TRIT1: variants seen among roughly 807,000 people sequenced by gnomAD.
TRIT1 encodes the protein tRNA dimethylallyltransferase.
Under a neutral mutation model 51.2 loss-of-function variants are expected in TRIT1, and 43 were observed. That is an observed-to-expected ratio of 0.84 (90% CI 0.66 to 1.08). The LOEUF (loss-of-function observed/expected upper bound fraction) is 1.08, where lower values mean the gene tolerates loss of function less well. Among genes scored for constraint, TRIT1 ranks in the 50% least tolerant of loss-of-function variants. The probability of loss-of-function intolerance (pLI) is 0.00; values close to 1 mark genes in which losing one functional copy is unlikely to be tolerated. For synonymous variants in TRIT1, 184 were observed against 203.9 expected, an observed-to-expected ratio of 0.90 and a Z score of 0.83; for missense variants, 528 against 578.4, an observed-to-expected ratio of 0.91 and a Z score of 0.89.
intron 1 of TRIT1, among the ~76,000 whole-genome samples, chr1:39,871,973 G>A (rs1643895495): frequency 6.6e-6 from 1 of 152,110 alleles, no homozygotes; most frequent in Non-Finnish European, 1.5e-5. Context: ...GCACCATCAT[G>A]ACTCACTGCA....
At chr1:39,858,562 C>T (rs1158680970) in intron 1 of TRIT1, among the ~76,000 whole-genome samples, 1 of 152,144 alleles carries the variant, frequency 6.6e-6, no homozygotes, top group African/African-American at 2.4e-5. Context: ...TACCTAATTG[C>T]TATCATTATC....
chr1:39,843,354 T>C (rs969096991), intron 10 of TRIT1, among the ~76,000 whole-genome samples: 1 of 152,056 alleles, frequency 6.6e-6, no homozygotes, highest in Non-Finnish European at 1.5e-5. Context: ...AAATACCATG[T>C]AAACTCAAGG....
intron 1 of TRIT1, among the ~76,000 whole-genome samples, chr1:39,879,872 CAAAAAAAAAAAA>C (rs11406062): frequency 2.0e-4 from 10 of 49,154 alleles, no homozygotes; most frequent in African/African-American, 9.0e-4. Flanking sequence ...AACTCCATCT[CAAAAAAAAAAAA>C]AAAAAAAAAA....
At chr1:39,864,701 G>C (rs539386517) in intron 1 of TRIT1, among the ~76,000 whole-genome samples, 1 of 151,936 alleles carries the variant, frequency 6.6e-6, no homozygotes, top group East Asian at 1.9e-4. Flanking sequence ...ACTCCCCCCA[G>C]TTTTTTACGT....
intron 2 of TRIT1, among the ~76,000 whole-genome samples, chr1:39,856,956 T>G (rs979100940): frequency 2.0e-5 from 3 of 152,218 alleles, no homozygotes; most frequent in African/African-American, 7.2e-5. Flanking sequence ...AAAACAGTGC[T>G]TCTCAAATTT....
intron 1 of TRIT1, among the ~76,000 whole-genome samples, chr1:39,868,071 A>G (rs1643650191): frequency 6.6e-6 from 1 of 151,812 alleles, no homozygotes; most frequent in Admixed American, 6.6e-5. Flanking sequence ...CAGCCTCCCA[A>G]GTAGCTGGGA....
intron 1 of TRIT1, among the ~76,000 whole-genome samples, chr1:39,882,977 C>T (rs553141699): frequency 2.6e-5 from 4 of 152,304 alleles, no homozygotes; most frequent in African/African-American, 9.6e-5. Flanking sequence ...TACTGGATAC[C>T]TATCTGTCGA....
chr1:39,882,059 T>C (rs1644282560), intron 1 of TRIT1, among the ~76,000 whole-genome samples: 1 of 152,244 alleles, frequency 6.6e-6, no homozygotes, highest in South Asian at 2.1e-4. Flanking sequence ...TTATCTCATT[T>C]AATCATCACA....
At chr1:39,843,807 C>G (rs1001993461) in intron 10 of TRIT1, among the ~76,000 whole-genome samples, 1 of 152,140 alleles carries the variant, frequency 6.6e-6, no homozygotes, top group Non-Finnish European at 1.5e-5. Context: ...AGAAACTCCT[C>G]CAAGCCAGGA....
At position 39,840,729 on chromosome 1, in the gene TRIT1, A is replaced by G. The variant is rs1333577510; in HGVS notation, c.*1015T>C. 6.6e-6 allele frequency among the ~76,000 whole-genome samples: 1 copy of G among 152,236 alleles called. No individual in the cohort carries two copies. The highest frequency in any genetic ancestry group is 1.5e-5 in the Non-Finnish European group (1 of 68,038). ...TGGCAACGATTGCACAACATTGTGA[A>G]TGTAGTTAATGCTGCTGAATTATAC... On this transcript the variant is annotated 3_prime_UTR_variant, in exon 11 of 11. Transcript: ENST00000316891.
At chr1:39,875,002 TTTG>T (rs1284240018) in intron 1 of TRIT1, among the ~76,000 whole-genome samples, 3 of 152,074 alleles carry the variant, frequency 2.0e-5, no homozygotes, top group African/African-American at 7.2e-5. Flanking sequence ...ACAAAAATGC[TTTG>T]TTCTCATTTT....
intron 1 of TRIT1, among the ~76,000 whole-genome samples, chr1:39,879,103 A>G (rs1231913616): frequency 1.3e-5 from 2 of 152,092 alleles, no homozygotes; most frequent in Non-Finnish European, 2.9e-5. Context: ...CCCCGTCTCT[A>G]TTAAAAATAC....
intron 1 of TRIT1, among the ~76,000 whole-genome samples, chr1:39,863,748 C>A (rs1283094710): frequency 2.0e-4 from 23 of 115,968 alleles, no homozygotes; most frequent in African/African-American, 5.7e-4. Context: ...AAATCTACAA[C>A]AGAGAAAAAA....
At chr1:39,850,330 T>C in intron 4 of TRIT1, 69 bp from the exon 5 acceptor site, 1 of 1,573,730 alleles carries the variant, frequency 6.4e-7, no homozygotes, top group Non-Finnish European at 8.6e-7. Flanking sequence ...CATTCTCAAG[T>C]AAAACAAGGA....
At chr1:39,879,318 G>GGGTTCAAT (rs1644168661) in intron 1 of TRIT1, among the ~76,000 whole-genome samples, 1 of 151,968 alleles carries the variant, frequency 6.6e-6, no homozygotes, top group Non-Finnish European at 1.5e-5. Context: ...ACAGCCCCTG[G>GGGTTCAAT]TCATCTTAAA....
intron 1 of TRIT1, among the ~76,000 whole-genome samples, chr1:39,875,632 C>T (rs1164862930): frequency 6.6e-6 from 1 of 152,138 alleles, no homozygotes; most frequent in Non-Finnish European, 1.5e-5. Context: ...ACCCTCTATG[C>T]CAGATAGTTG....
Position 39,868,910 on chromosome 1 carries a change from A to G in TRIT1, c.175-11493T>C, listed in dbSNP as rs142822262. Among the ~76,000 whole-genome samples, 1,207 of 151,976 alleles carry G rather than the reference A, an allele frequency of 7.9e-3. 16 individuals carry two copies. The highest frequency in any genetic ancestry group is 0.028 in the African/African-American group (1,164 of 41,492). On this transcript the variant is annotated intron_variant, in intron 1 of 10. Transcript: ENST00000316891. ...CCCCGTCTCCACTAAAAATATAAAA[A>G]TTAGCTGGGCGTGGTGGCAGGCATG...
chr1:39,859,151 G>A (rs1174181220), intron 1 of TRIT1, among the ~76,000 whole-genome samples: 3 of 150,638 alleles, frequency 2.0e-5, no homozygotes, highest in Non-Finnish European at 2.9e-5. Flanking sequence ...CTATACTCAG[G>A]AGGCTGAGGC....
rs2124622215 is a variant in TRIT1 at position 39,857,318 on chromosome 1, T to C, written c.274A>G (p.Asn92Asp). The change falls in exon 2 of 11, where the codon AAT (asparagine) becomes GAT (aspartate). Residue 92 changes from asparagine (N) to aspartate (D), a missense_variant. Transcript: ENST00000316891. ...TTTCTGAAGTCCACCACTGTGTAAT[T>C]GGTCACAAGAGGATCCACAAAGCTG... ...MISFVDPLVT[N>D]YTVVDFRNRA... The C allele has an allele frequency of 2.5e-6, 4 of 1,613,830 alleles. No individual in the cohort carries two copies. The East Asian group carries it at 8.9e-5, about 36-fold the overall frequency.
Sources: allele counts gnomAD v4.1 joint callset (sites outside exome capture counted in the v4.1 genomes callset), GRCh38; gene constraint gnomAD v4.1.1; transcripts MANE v1.5; gene names NCBI Gene and HGNC (gene_info 2026-07-23, HGNC 2026-07-21).